Variants in ARL8B observed in about 807,000 individuals in gnomAD.
ARL8B encodes ADP-ribosylation factor-like protein 8B.
A neutral mutation model predicts 30.6 loss-of-function variants in ARL8B; 9 were observed. The observed-to-expected ratio is 0.29, with a 90% CI of 0.18 to 0.51. The LOEUF is 0.51. Among genes scored for constraint, ARL8B ranks in the 20% least tolerant of loss-of-function variants. The pLI is 0.97. For synonymous variants in ARL8B, 74 were observed against 76.0 expected (o/e 0.97, Z 0.14); for missense variants, 130 against 227.2 (o/e 0.57, Z 2.75).
chr3:5,147,995 A>G (rs1438968059), intron 1 of ARL8B, among the ~76,000 whole-genome samples: 1 of 151,424 alleles, frequency 6.6e-6, no homozygotes, highest in Non-Finnish European at 1.5e-5. Flanking sequence ...TGGGATTATT[A>G]TTATCCCATT....
At chr3:5,122,955 C>A (rs2054196135) in intron 1 of ARL8B, among the ~76,000 whole-genome samples, 1 of 152,232 alleles carries the variant, frequency 6.6e-6, no homozygotes, top group Non-Finnish European at 1.5e-5. Flanking sequence ...TAAGTCCAGT[C>A]TGTCACTTTC....
At chr3:5,170,641 TTC>T in intron 2 of ARL8B, 58 bp downstream of exon 2, 2 of 1,312,052 alleles carry the variant, frequency 1.5e-6, no homozygotes, top group Non-Finnish European at 2.1e-6. Context: ...CTAGAAATTT[TTC>T]TGTTAAATTT....
chr3:5,159,335 G>T (rs1244084930), intron 1 of ARL8B, among the ~76,000 whole-genome samples: 1 of 150,504 alleles, frequency 6.6e-6, no homozygotes, highest in Admixed American at 6.7e-5. Flanking sequence ...AGGTGCGGTG[G>T]CTCATGCCTG....
intron 1 of ARL8B, among the ~76,000 whole-genome samples, chr3:5,157,603 G>T (rs1174794324): frequency 6.6e-6 from 1 of 152,132 alleles, no homozygotes; most frequent in African/African-American, 2.4e-5. Flanking sequence ...TTTCTTCTCC[G>T]TAAGTACAGC....
intron 5 of ARL8B, 121 bp from the exon 6 acceptor site, chr3:5,174,222 AT>A: frequency 9.3e-7 from 1 of 1,076,078 alleles, no homozygotes; most frequent in Non-Finnish European, 1.4e-6. Flanking sequence ...GAATCCTAAC[AT>A]TTTAGGATTG....
intron 1 of ARL8B, among the ~76,000 whole-genome samples, chr3:5,141,980 C>T (rs934128567): frequency 6.6e-6 from 1 of 152,164 alleles, no homozygotes; most frequent in Admixed American, 6.6e-5. Context: ...ATTTATTCGG[C>T]ACTCCCCTAG....
At chr3:5,143,610 G>A (rs543627506) in intron 1 of ARL8B, among the ~76,000 whole-genome samples, 2 of 152,340 alleles carry the variant, frequency 1.3e-5, no homozygotes, top group South Asian at 4.1e-4. Flanking sequence ...CCCCTGTTCA[G>A]CCGTTTGCAC....
At chr3:5,150,037 G>T (rs2054466016) in intron 1 of ARL8B, among the ~76,000 whole-genome samples, 1 of 152,170 alleles carries the variant, frequency 6.6e-6, no homozygotes, top group Admixed American at 6.5e-5. Context: ...AGGACAGTGT[G>T]TCAGTCCTTT....
At chr3:5,143,310 A>T (rs942835728) in intron 1 of ARL8B, among the ~76,000 whole-genome samples, 3 of 152,122 alleles carry the variant, frequency 2.0e-5, no homozygotes, top group Non-Finnish European at 4.4e-5. Flanking sequence ...TTTTCTTTTT[A>T]GATTTTTCTC....
At chr3:5,170,809 G>A (rs2054666295) in intron 2 of ARL8B, 2 of 368,656 alleles carry the variant, frequency 5.4e-6, no homozygotes, top group Non-Finnish European at 1.0e-5. Flanking sequence ...TCCACTCACT[G>A]CAACCTCTAC....
intron 1 of ARL8B, among the ~76,000 whole-genome samples, chr3:5,156,518 G>GC (rs1353488732): frequency 1.3e-5 from 2 of 152,006 alleles, no homozygotes; most frequent in Admixed American, 1.3e-4. Flanking sequence ...CCAAGTTCAA[G>GC]CGATACTCTT....
chr3:5,166,643 A>C (rs2054627292), intron 1 of ARL8B, among the ~76,000 whole-genome samples: 2 of 152,132 alleles, frequency 1.3e-5, no homozygotes, highest in African/African-American at 2.4e-5. Context: ...CAGCTGTCTT[A>C]AGATATCTTT....
intron 1 of ARL8B, among the ~76,000 whole-genome samples, chr3:5,145,313 A>G (rs2054409397): frequency 6.6e-6 from 1 of 152,028 alleles, no homozygotes; most frequent in Admixed American, 6.5e-5. Flanking sequence ...ATGGCTTCAT[A>G]TTTTAGAATC....
chr3:5,165,910 C>T (rs953975684), intron 1 of ARL8B, among the ~76,000 whole-genome samples: 9 of 152,298 alleles, frequency 5.9e-5, no homozygotes, highest in South Asian at 4.1e-4. Context: ...AAGAGGATTT[C>T]ACTGTGTTCT....
At position 5,150,039 on chromosome 3, in the gene ARL8B, C is replaced by G. The variant is rs1268154801; in HGVS notation, c.124-20464C>G. ...TTGTACTTGTTTTAGGACAGTGTGTCAGTCCTTTTGAATATTGTGAGCTAC... is the reference window on the plus strand; with the variant it reads ...TTGTACTTGTTTTAGGACAGTGTGTGAGTCCTTTTGAATATTGTGAGCTAC... On this transcript the variant is annotated intron_variant, in intron 1 of 6. Transcript: ENST00000256496. Among the ~76,000 whole-genome samples, 4 of 152,256 alleles carry G rather than the reference C, an allele frequency of 2.6e-5. No homozygotes were observed. The East Asian group carries it at 7.7e-4, about 29-fold the overall frequency.
At chr3:5,169,020 T>C (rs2054647038) in intron 1 of ARL8B, among the ~76,000 whole-genome samples, 1 of 152,232 alleles carries the variant, frequency 6.6e-6, no homozygotes. Context: ...GGGACTCTAC[T>C]ACCTGTTCTA....
intron 1 of ARL8B, among the ~76,000 whole-genome samples, chr3:5,162,349 A>G (rs746817597): frequency 1.1e-4 from 16 of 152,232 alleles, no homozygotes; most frequent in African/African-American, 3.1e-4. Context: ...CAGTCTACGC[A>G]GGGTGCCTGT....
chr3:5,156,094 C>T (rs982114823), intron 1 of ARL8B, among the ~76,000 whole-genome samples: 2 of 151,822 alleles, frequency 1.3e-5, no homozygotes, highest in African/African-American at 4.8e-5. Context: ...TTAGAGATGG[C>T]GTTACACTAT....
At chr3:5,148,875 A>C (rs531901543) in intron 1 of ARL8B, among the ~76,000 whole-genome samples, 1 of 151,984 alleles carries the variant, frequency 6.6e-6, no homozygotes, top group South Asian at 2.1e-4. Flanking sequence ...TATCTGGGGG[A>C]ATGTCAGAGG....
Sources: allele counts gnomAD v4.1 joint callset (sites outside exome capture counted in the v4.1 genomes callset), GRCh38; gene constraint gnomAD v4.1.1; transcripts MANE v1.5; gene names NCBI Gene and HGNC (gene_info 2026-07-23, HGNC 2026-07-21).